The following YPEL2 variants were observed in gnomAD, a reference collection of about 807,000 sequenced individuals.
The protein encoded by YPEL2 is protein yippee-like 2.
YPEL2 carries 2 observed loss-of-function variants against 19.1 expected under a neutral mutation model. That is an observed-to-expected ratio of 0.10 (90% confidence interval 0.04 to 0.33). YPEL2 has a LOEUF of 0.33. Ranked by LOEUF, YPEL2 falls within the 10% of genes least tolerant of loss-of-function variation. The pLI, the probability that YPEL2 is intolerant of heterozygous loss-of-function variation, is 1.00. For missense variants in YPEL2, 66 were observed against 140.7 expected (o/e 0.47, Z 2.68); for synonymous variants, 52 against 50.0 (o/e 1.04, Z -0.17).
rs1297426119 is a variant in YPEL2, at chr17:59,401,133, A to AATAT, written c.*3943_*3944insATAT. On this transcript the variant is annotated 3_prime_UTR_variant, in exon 5 of 5. Transcript: ENST00000312655. ...TTTGGATTAAAAGAACATTAATATT[A>AATAT]TAATACACATATCTTAGTGGTAAAC... The AATAT allele has an allele frequency of 5.3e-5, 8 of 152,106 alleles. No individual in the cohort carries two copies. The East Asian group carries it at 1.5e-3, about 29-fold the overall frequency. The allele number at this position is 152,106 out of a possible 1,614,324, so 9.4% of individuals were successfully genotyped here.
chr17:59,390,088 T>C (rs1179270844), intron 4 of YPEL2, among the ~76,000 whole-genome samples: 2 of 152,026 alleles, frequency 1.3e-5, no homozygotes, highest in Non-Finnish European at 2.9e-5. Flanking sequence ...ACAACCTCTG[T>C]CTCCCAGATT....
At chr17:59,384,298 A>G (rs184709849) in intron 2 of YPEL2, among the ~76,000 whole-genome samples, 16 of 152,346 alleles carry the variant, frequency 1.1e-4, no homozygotes, top group Non-Finnish European at 7.3e-5. Context: ...TTGTACAAGC[A>G]TATCATTTTT....
intron 2 of YPEL2, among the ~76,000 whole-genome samples, chr17:59,360,577 C>G (rs1355272623): frequency 6.6e-6 from 1 of 152,200 alleles, no homozygotes; most frequent in African/African-American, 2.4e-5. Flanking sequence ...AAAGCTCTGT[C>G]TCCTACTAAT....
chr17:59,387,873 C>T (rs1211716425), intron 2 of YPEL2, among the ~76,000 whole-genome samples: 1 of 152,104 alleles, frequency 6.6e-6, no homozygotes, highest in East Asian at 1.9e-4. Flanking sequence ...TTTTTTGCTG[C>T]CTTTGGTAGA....
At chr17:59,357,476 G>A (rs528188690) in intron 2 of YPEL2, among the ~76,000 whole-genome samples, 3 of 152,256 alleles carry the variant, frequency 2.0e-5, no homozygotes, top group Admixed American at 1.3e-4. Context: ...TTTTTCTTAG[G>A]GGGTGTTGTG....
chr17:59,348,226 A>G (rs1054540641), intron 1 of YPEL2, among the ~76,000 whole-genome samples: 1 of 152,202 alleles, frequency 6.6e-6, no homozygotes, highest in Admixed American at 6.5e-5. Flanking sequence ...TGGAAACAAC[A>G]ACACAGAGGC....
intron 2 of YPEL2, among the ~76,000 whole-genome samples, chr17:59,377,034 T>C (rs1261076834): frequency 6.6e-6 from 1 of 151,782 alleles, no homozygotes; most frequent in Non-Finnish European, 1.5e-5. Flanking sequence ...AGCATGTGGC[T>C]TCCATTGTGG....
intron 1 of YPEL2, among the ~76,000 whole-genome samples, chr17:59,343,797 A>T (rs1345564135): frequency 2.0e-5 from 3 of 152,106 alleles, no homozygotes; most frequent in Non-Finnish European, 2.9e-5. Flanking sequence ...GAAATGTGAA[A>T]GTGTGTGATC....
chr17:59,351,435 G>C (rs1282343306), intron 1 of YPEL2, among the ~76,000 whole-genome samples: 4 of 152,050 alleles, frequency 2.6e-5, no homozygotes, highest in African/African-American at 4.8e-5. Context: ...CAGGGTACTT[G>C]GCTCTACCAC....
chr17:59,343,558 A>C (rs961826801), intron 1 of YPEL2, among the ~76,000 whole-genome samples: 1 of 152,108 alleles, frequency 6.6e-6, no homozygotes, highest in African/African-American at 2.4e-5. Context: ...GCAGGCATTT[A>C]CTCATCCCTT....
intron 2 of YPEL2, among the ~76,000 whole-genome samples, chr17:59,373,886 G>A (rs1167108820): frequency 2.0e-5 from 3 of 152,242 alleles, no homozygotes; most frequent in Non-Finnish European, 2.9e-5. Flanking sequence ...AAGGATGGGA[G>A]TCTTAAGGAA....
chr17:59,357,622 A>T (rs996749729), intron 2 of YPEL2, among the ~76,000 whole-genome samples: 1 of 152,306 alleles, frequency 6.6e-6, no homozygotes, highest in African/African-American at 2.4e-5. Flanking sequence ...AATAGCTTCA[A>T]TTGGAACAGT....
At chr17:59,389,616 C>T (rs1311100564) in intron 4 of YPEL2, 148 bp downstream of exon 4, 3 of 643,388 alleles carry the variant, frequency 4.7e-6, no homozygotes. Context: ...TCATTCTTTC[C>T]TTTCTGCTGA....
At chr17:59,379,752 T>C (rs942049647) in intron 2 of YPEL2, among the ~76,000 whole-genome samples, 3 of 152,218 alleles carry the variant, frequency 2.0e-5, no homozygotes, top group Non-Finnish European at 4.4e-5. Flanking sequence ...TCACACTCTT[T>C]TGTAATGTGA....
At chr17:59,360,077 T>G (rs1186793725) in intron 2 of YPEL2, among the ~76,000 whole-genome samples, 3 of 152,112 alleles carry the variant, frequency 2.0e-5, no homozygotes, top group Non-Finnish European at 4.4e-5. Flanking sequence ...TTTTTAAATT[T>G]TATTTATTTA....
chr17:59,385,797 A>G (rs763740229), intron 2 of YPEL2, among the ~76,000 whole-genome samples: 2 of 152,232 alleles, frequency 1.3e-5, no homozygotes, highest in Non-Finnish European at 2.9e-5. Flanking sequence ...ACCGTTTATT[A>G]TGTCACTTAT....
At chr17:59,343,067 T>C (rs948685067) in intron 1 of YPEL2, among the ~76,000 whole-genome samples, 8 of 152,172 alleles carry the variant, frequency 5.3e-5, no homozygotes, top group African/African-American at 1.9e-4. Context: ...CTCATCTGGG[T>C]AATTTCATGG....
rs1348324092 is a variant in YPEL2, at chr17:59,397,493, G to A, written c.*303G>A. The A allele has an allele frequency of 4.7e-6, 1 of 214,600 alleles. No homozygotes were observed. Among genetic ancestry groups the A allele is most frequent in the Admixed American group, 5.8e-5 (1 of 17,164 alleles). 13.3% of individuals were successfully genotyped at this position (214,600 alleles called of 1,614,324 possible). A position where few individuals can be genotyped will look rare whatever the true frequency, so the allele number is the denominator to read the frequency against. ...GCATGGCGGCAGCCCACCTTGGTAA[G>A]GGCCCCAGGGCCCATGCGAGAGCTG... is the stretch of plus-strand genomic sequence containing the variant. On this transcript the variant is annotated 3_prime_UTR_variant, in exon 5 of 5. Coordinates refer to ENST00000312655, the MANE Select transcript of YPEL2 (RefSeq NM_001005404.4).
intron 2 of YPEL2, among the ~76,000 whole-genome samples, chr17:59,379,172 G>A (rs1216611438): frequency 1.3e-5 from 2 of 152,070 alleles, no homozygotes; most frequent in Non-Finnish European, 2.9e-5. Context: ...AGTTGCACTC[G>A]GGTTCTAATT....
Sources: allele counts gnomAD v4.1 joint callset (sites outside exome capture counted in the v4.1 genomes callset), GRCh38; gene constraint gnomAD v4.1.1; transcripts MANE v1.5; gene names NCBI Gene and HGNC (gene_info 2026-07-23, HGNC 2026-07-21).